ITGBL1: variants seen among roughly 807,000 people sequenced by gnomAD.
ITGBL1 encodes integrin beta-like protein 1.
Under a neutral mutation model 68.5 loss-of-function variants are expected in ITGBL1, and 51 were observed. The ratio of observed to expected loss-of-function variants is 0.74; its 90% CI spans 0.59 to 0.94. The LOEUF (loss-of-function observed/expected upper bound fraction) is 0.94. ITGBL1 is among the 40% of genes least tolerant of loss of function. The pLI is 0.00. For missense variants in ITGBL1, 649 were observed against 647.4 expected (o/e 1.00, Z -0.03); for synonymous variants, 209 against 227.3 (o/e 0.92, Z 0.72).
intron 7 of ITGBL1, among the ~76,000 whole-genome samples, chr13:101,603,649 T>TA (rs201410146): frequency 0.03 from 4,526 of 150,940 alleles, 98 homozygotes; most frequent in African/African-American, 0.035. Context: ...CCCAGACATG[T>TA]AAAAAAAATG....
chr13:101,566,124 T>C (rs574698109), intron 2 of ITGBL1, among the ~76,000 whole-genome samples: 142 of 152,276 alleles, frequency 9.3e-4, no homozygotes, highest in African/African-American at 3.1e-3. Context: ...TTCTAAATCA[T>C]TTCTATTTTC....
chr13:101,481,255 A>G (rs955552878), intron 2 of ITGBL1, among the ~76,000 whole-genome samples: 9 of 151,956 alleles, frequency 5.9e-5, no homozygotes, highest in African/African-American at 2.2e-4. Context: ...TTTTCCAGAA[A>G]GGAGTTTCTG....
chr13:101,599,196 G>A (rs1348519181), intron 7 of ITGBL1, among the ~76,000 whole-genome samples: 2 of 151,350 alleles, frequency 1.3e-5, no homozygotes, highest in Non-Finnish European at 3.0e-5. Context: ...GTGATGATGA[G>A]CATTTTTTCA....
intron 7 of ITGBL1, among the ~76,000 whole-genome samples, chr13:101,632,952 G>C (rs1485171867): frequency 6.6e-6 from 1 of 152,180 alleles, no homozygotes; most frequent in African/African-American, 2.4e-5. Context: ...ATGTGCATGG[G>C]GATCCGCTGG....
intron 8 of ITGBL1, among the ~76,000 whole-genome samples, chr13:101,696,248 G>T (rs1434865209): frequency 6.6e-6 from 1 of 152,178 alleles, no homozygotes; most frequent in Admixed American, 6.5e-5. Flanking sequence ...TTGGTGGCAA[G>T]TGTCAGCCTG....
chr13:101,593,435 A>C (rs2050690782), intron 6 of ITGBL1, among the ~76,000 whole-genome samples: 1 of 152,112 alleles, frequency 6.6e-6, no homozygotes, highest in South Asian at 2.1e-4. Flanking sequence ...ATATATCCAA[A>C]AGAAGTGAAA....
At chr13:101,606,490 G>C (rs924852997) in intron 7 of ITGBL1, among the ~76,000 whole-genome samples, 2 of 151,774 alleles carry the variant, frequency 1.3e-5, no homozygotes, top group Admixed American at 1.3e-4. Flanking sequence ...CTAGTGTTGT[G>C]CTCAAAAACT....
chr13:101,714,526 C>G lies in ITGBL1; in HGVS notation c.1368C>G (p.Asp456Glu). Reference protein sequence around the residue: ...EFCDCDDRDCDKHDGLICTGN... With the variant: ...EFCDCDDRDCEKHDGLICTGN... Reference sequence around the variant, plus strand: ...GTGACTGTGATGACAGAGACTGCGACAAACATGATGGTCTCATTTGTACAG... The same window carrying G: ...GTGACTGTGATGACAGAGACTGCGAGAAACATGATGGTCTCATTTGTACAG... The change falls in exon 10 of 11, where the codon GAC (aspartate) becomes GAG (glutamate). Residue 456 changes from aspartate (D) to glutamate (E), a missense_variant. Transcript: ENST00000376180. 6.2e-7 allele frequency: 1 copy of G among 1,606,298 alleles called. No individual in the cohort carries two copies. The highest frequency in any genetic ancestry group is 1.1e-5 in the South Asian group (1 of 90,880).
At chr13:101,699,491 T>G (rs2034081922) in intron 8 of ITGBL1, among the ~76,000 whole-genome samples, 2 of 152,202 alleles carry the variant, frequency 1.3e-5, no homozygotes, top group Admixed American at 6.5e-5. Flanking sequence ...CTCCATGTTA[T>G]TCTCATGATA....
chr13:101,501,170 A>G (rs1280978639), intron 2 of ITGBL1, among the ~76,000 whole-genome samples: 1 of 152,144 alleles, frequency 6.6e-6, no homozygotes, highest in Non-Finnish European at 1.5e-5. Context: ...AATCTGGCTT[A>G]AATCTGATGA....
intron 7 of ITGBL1, among the ~76,000 whole-genome samples, chr13:101,685,901 C>T (rs980282789): frequency 6.6e-6 from 1 of 151,866 alleles, no homozygotes; most frequent in African/African-American, 2.4e-5. Flanking sequence ...GAAAGTATTT[C>T]CCAAAAGGGC....
chr13:101,564,032 G>A (rs1478240079), intron 2 of ITGBL1, among the ~76,000 whole-genome samples: 1 of 151,868 alleles, frequency 6.6e-6, no homozygotes, highest in Non-Finnish European at 1.5e-5. Context: ...TTTCACTGTA[G>A]TCACAGACTA....
chr13:101,551,343 C>G (rs1019401269), intron 2 of ITGBL1, among the ~76,000 whole-genome samples: 7 of 152,146 alleles, frequency 4.6e-5, no homozygotes, highest in Non-Finnish European at 8.8e-5. Flanking sequence ...ACAGGAGACA[C>G]TTGCTCAGTT....
chr13:101,454,693 C>T (rs2048217697), intron 2 of ITGBL1, among the ~76,000 whole-genome samples: 1 of 152,142 alleles, frequency 6.6e-6, no homozygotes, highest in African/African-American at 2.4e-5. Flanking sequence ...TATTATTTTC[C>T]TCCATTCTAG....
intron 7 of ITGBL1, among the ~76,000 whole-genome samples, chr13:101,636,500 G>A (rs2032173276): frequency 6.6e-6 from 1 of 152,140 alleles, no homozygotes; most frequent in Non-Finnish European, 1.5e-5. Context: ...ATTCAAACAT[G>A]TATAGACTAT....
intron 4 of ITGBL1, among the ~76,000 whole-genome samples, chr13:101,576,611 G>A (rs747838163): frequency 3.9e-5 from 6 of 152,172 alleles, no homozygotes; most frequent in Non-Finnish European, 7.4e-5. Context: ...ATGGGGCCAC[G>A]TGGAACCAGA....
At chr13:101,710,258 G>A (rs1342496750) in intron 9 of ITGBL1, among the ~76,000 whole-genome samples, 2 of 152,202 alleles carry the variant, frequency 1.3e-5, no homozygotes, top group African/African-American at 4.8e-5. Flanking sequence ...ATTCATGTTA[G>A]TGGACCGGCC....
At position 101,541,916 on chromosome 13, in the gene ITGBL1, T is replaced by A. The variant is rs559983698; in HGVS notation, c.317-25783T>A. ...TGGTGGTGATATCCCCTTTATCATT[T>A]TTTATTGCTTCTATTTGATTCTTCT... On this transcript the variant is annotated intron_variant, in intron 2 of 10. Transcript: ENST00000376180. Among the ~76,000 whole-genome samples, 53 of 152,326 alleles carry A rather than the reference T, an allele frequency of 3.5e-4. No homozygotes were observed. In the East Asian group the frequency reaches 8.7e-3, roughly 25 times the overall value.
chr13:101,546,662 T>C (rs2049830075), intron 2 of ITGBL1, among the ~76,000 whole-genome samples: 1 of 151,946 alleles, frequency 6.6e-6, no homozygotes, highest in South Asian at 2.1e-4. Context: ...AATTGGTAAA[T>C]ATATTAAGAA....
Sources: allele counts gnomAD v4.1 joint callset (sites outside exome capture counted in the v4.1 genomes callset), GRCh38; gene constraint gnomAD v4.1.1; transcripts MANE v1.5; gene names NCBI Gene and HGNC (gene_info 2026-07-23, HGNC 2026-07-21).